NUP210L: variants seen among roughly 807,000 people sequenced by gnomAD.
NUP210L encodes the protein nucleoporin 210 like.
A neutral mutation model predicts 208.5 loss-of-function variants in NUP210L; 74 were observed. The ratio of observed to expected loss-of-function variants is 0.35; its 90% CI spans 0.29 to 0.43. NUP210L has a LOEUF of 0.43. NUP210L is among the 20% of genes least tolerant of loss of function. The probability of loss-of-function intolerance (pLI) is 1.00; values close to 1 mark genes in which losing one functional copy is unlikely to be tolerated. For synonymous variants in NUP210L, 780 were observed against 816.9 expected (o/e 0.95, Z 0.77); for missense variants, 1,843 against 2,289.4 (o/e 0.81, Z 3.98).
chr1:154,022,166 T>C, exon 32 of NUP210L: 1 of 1,614,060 alleles, frequency 6.2e-7, no homozygotes, highest in South Asian at 1.1e-5. Context: ...AGATGATATC[T>C]CCAACAAAGG....
rs180942041 is a variant in NUP210L, at chr1:154,100,965, G to A, written c.1820-822C>T. 3.0e-3 allele frequency among the ~76,000 whole-genome samples: 457 copies of A among 151,486 alleles called. 1 individual carries two copies. The highest frequency in any genetic ancestry group is 5.4e-3 in the Non-Finnish European group (367 of 67,822). On this transcript the variant is annotated intron_variant, in intron 13 of 39. Coordinates refer to ENST00000368559, the Ensembl canonical transcript of NUP210L. Reference sequence around the variant, plus strand: ...AGGCGGGTGGATCACCTGAGCTCGGGAGTTCGAGACCAGCCTGACCAACAT... The same window carrying A: ...AGGCGGGTGGATCACCTGAGCTCGGAAGTTCGAGACCAGCCTGACCAACAT...
In NUP210L at chr1:154,155,088, C is replaced by G. The variant is rs1346777467; in HGVS notation, c.-44G>C. On this transcript the variant is annotated 5_prime_UTR_variant, in exon 1 of 40. Coordinates refer to ENST00000368559, the Ensembl canonical transcript of NUP210L. The stretch of plus-strand genomic sequence containing the variant: ...GGTTCCCGCTCAACTACAGCCGGCT[C>G]ACAGCTCCATCAGCCAATCCACAGG... 1 of 1,425,596 alleles carries G rather than the reference C, an allele frequency of 7.0e-7. No homozygotes were observed. Among genetic ancestry groups the G allele is most frequent in the South Asian group, 1.2e-5 (1 of 82,630 alleles). 88.3% of individuals were successfully genotyped at this position (1,425,596 alleles called of 1,614,324 possible). A position where few individuals can be genotyped will look rare whatever the true frequency, so the allele number is the denominator to read the frequency against.
intron 37 of NUP210L, 114 bp from the exon 38 acceptor site, chr1:153,995,294 CA>C (rs1422309259): frequency 1.4e-6 from 1 of 718,452 alleles, no homozygotes; most frequent in African/African-American, 1.8e-5. Context: ...CTCTGTCCCC[CA>C]GGCTGGAGGG....
At chr1:154,001,646 G>A (rs1650218839) in intron 36 of NUP210L, 89 bp downstream of exon 36, 2 of 1,357,772 alleles carry the variant, frequency 1.5e-6, no homozygotes, top group Admixed American at 2.0e-5. Flanking sequence ...AGGTCACTCA[G>A]TAACTTCTTT....
chr1:153,997,693 G>GTTT (rs34933362), intron 37 of NUP210L, among the ~76,000 whole-genome samples: 13 of 117,676 alleles, frequency 1.1e-4, no homozygotes, highest in South Asian at 2.8e-4. Flanking sequence ...TACTGTATTT[G>GTTT]TTTTTTTTTT....
intron 15 of NUP210L, among the ~76,000 whole-genome samples, chr1:154,094,511 T>C (rs527744027): frequency 6.6e-6 from 1 of 152,246 alleles, no homozygotes; most frequent in African/African-American, 2.4e-5. Context: ...AGATAAAATA[T>C]ATTTATTATT....
exon 15 of NUP210L, chr1:154,095,083 C>T (rs942003406): frequency 3.1e-6 from 5 of 1,614,108 alleles, no homozygotes; most frequent in East Asian, 2.2e-5. Flanking sequence ...GATCCATGGA[C>T]GAGGACCCCC....
chr1:154,007,212 C>A (rs1443968053), intron 35 of NUP210L, among the ~76,000 whole-genome samples: 2 of 151,054 alleles, frequency 1.3e-5, no homozygotes, highest in African/African-American at 2.4e-5. Context: ...ATCTGCCCCC[C>A]TCGGCCTCCC....
intron 15 of NUP210L, among the ~76,000 whole-genome samples, chr1:154,091,716 G>A (rs573408317): frequency 6.2e-4 from 94 of 151,416 alleles, no homozygotes; most frequent in African/African-American, 2.2e-3. Context: ...GGCCAGGCTG[G>A]TCTCGAACTC....
At chr1:154,043,132 G>A (rs1433082444) in intron 27 of NUP210L, among the ~76,000 whole-genome samples, 1 of 147,504 alleles carries the variant, frequency 6.8e-6, no homozygotes, top group East Asian at 2.0e-4. Context: ...GAATCCTCCT[G>A]CCTCAGCCTC....
chr1:154,006,334 A>T (rs957737421), intron 35 of NUP210L, among the ~76,000 whole-genome samples: 6 of 151,788 alleles, frequency 4.0e-5, no homozygotes, highest in African/African-American at 1.5e-4. Context: ...ACTAAAACAA[A>T]CTTCTCTAGG....
At position 154,070,548 on chromosome 1, in the gene NUP210L, T is replaced by A. The variant is rs147189355; in HGVS notation, c.2362-83A>T. ...AGTAAGATATCTCTAAAGCTAGGAA[T>A]CGAGTTTTCTCTCAATATTTTTACC... On this transcript the variant is annotated intron_variant, in intron 16 of 39. Transcript: ENST00000368559. The A allele has an allele frequency of 8.4e-4, 766 of 915,494 alleles. 6 individuals are homozygous for A. In the African/African-American group the frequency reaches 0.011, roughly 13 times the overall value. 56.7% of individuals were successfully genotyped at this position (915,494 alleles called of 1,614,324 possible). A position where few individuals can be genotyped will look rare whatever the true frequency, so the allele number is the denominator to read the frequency against.
intron 25 of NUP210L, among the ~76,000 whole-genome samples, chr1:154,048,431 A>G (rs937477638): frequency 2.0e-5 from 3 of 152,206 alleles, no homozygotes; most frequent in African/African-American, 4.8e-5. Flanking sequence ...TAAAATACTT[A>G]AAGAGTTTAA....
chr1:154,094,437 AAC>A (rs1461391757), intron 15 of NUP210L, among the ~76,000 whole-genome samples: 3 of 152,182 alleles, frequency 2.0e-5, no homozygotes, highest in Non-Finnish European at 4.4e-5. Context: ...CAGCTTGGGC[AAC>A]AGAGTGAGAC....
intron 15 of NUP210L, among the ~76,000 whole-genome samples, chr1:154,091,775 A>G (rs921740151): frequency 1.1e-4 from 16 of 151,928 alleles, no homozygotes; most frequent in African/African-American, 3.6e-4. Context: ...TGCTGGAATT[A>G]TAGGCGTGAG....
At chr1:154,046,424 G>T in intron 25 of NUP210L, 55 bp from the exon 26 acceptor site, 3 of 1,398,824 alleles carry the variant, frequency 2.1e-6, no homozygotes, top group Non-Finnish European at 2.0e-6. Flanking sequence ...CTGTGGGGTG[G>T]ACAGAGATGC....
intron 35 of NUP210L, among the ~76,000 whole-genome samples, chr1:154,002,596 G>A (rs1650283139): frequency 6.6e-6 from 1 of 151,790 alleles, no homozygotes; most frequent in Non-Finnish European, 1.5e-5. Context: ...CTGCATTCCA[G>A]CTTGGGGACA....
In NUP210L at chr1:154,042,168, C is replaced by G. The variant is rs576514003; in HGVS notation, c.3696+3901G>C. Among the ~76,000 whole-genome samples, 3 of 151,848 alleles carry G rather than the reference C, an allele frequency of 2.0e-5. No individual in the cohort carries two copies. In the South Asian group the frequency reaches 6.2e-4, roughly 32 times the overall value. On this transcript the variant is annotated intron_variant, in intron 27 of 39. Coordinates refer to ENST00000368559, the Ensembl canonical transcript of NUP210L. ...AGGCTGGAGTGGAGTGGTGCGATCA[C>G]AGCTCACTGCAGCCTTCACCTCCCG...
exon 3 of NUP210L, chr1:154,143,474 T>G (rs1658955498): frequency 6.2e-7 from 1 of 1,613,864 alleles, no homozygotes; most frequent in Admixed American, 1.7e-5. Context: ...TCACCATCAG[T>G]TCCAGTGGCG....
Sources: allele counts gnomAD v4.1 joint callset (sites outside exome capture counted in the v4.1 genomes callset), GRCh38; gene constraint gnomAD v4.1.1; transcripts MANE v1.5; gene names NCBI Gene and HGNC (gene_info 2026-07-23, HGNC 2026-07-21).